The following ARSB variants were observed in gnomAD, a reference collection of about 807,000 sequenced individuals.
The protein encoded by ARSB is arylsulfatase B.
In ARSB, 41 loss-of-function variants were observed where a neutral mutation model predicts 50.9. The observed-to-expected ratio is 0.81, with a 90% CI of 0.63 to 1.04. ARSB has a LOEUF of 1.04. Ranked by LOEUF, ARSB falls within the 50% of genes least tolerant of loss-of-function variation. The probability of loss-of-function intolerance (pLI) is 0.00; values close to 1 mark genes in which losing one functional copy is unlikely to be tolerated. For synonymous variants in ARSB, 269 were observed against 284.8 expected (o/e 0.94, Z 0.56); for missense variants, 672 against 693.3 (o/e 0.97, Z 0.35).
chr5:78,889,846 C>T (rs943846918), intron 4 of ARSB, among the ~76,000 whole-genome samples: 1 of 152,190 alleles, frequency 6.6e-6, no homozygotes, highest in African/African-American at 2.4e-5. Context: ...GAAACATCAT[C>T]TCTACCCCAA....
chr5:78,956,552 C>CA (rs1464927144), intron 3 of ARSB, among the ~76,000 whole-genome samples: 1 of 151,990 alleles, frequency 6.6e-6, no homozygotes, highest in African/African-American at 2.4e-5. Context: ...AAAAATATAA[C>CA]AAAAGACACA....
chr5:78,933,957 G>A (rs1448973635), intron 4 of ARSB, among the ~76,000 whole-genome samples: 2 of 152,078 alleles, frequency 1.3e-5, no homozygotes, highest in Non-Finnish European at 2.9e-5. Flanking sequence ...AACATGAGGA[G>A]GACTCAACCC....
chr5:78,918,509 G>A (rs1035357738), intron 4 of ARSB, among the ~76,000 whole-genome samples: 1 of 151,830 alleles, frequency 6.6e-6, no homozygotes, highest in African/African-American at 2.4e-5. Context: ...ACTGACATTA[G>A]TCTCATAAAT....
intron 4 of ARSB, among the ~76,000 whole-genome samples, chr5:78,947,532 T>G (rs1189921016): frequency 6.6e-6 from 1 of 152,078 alleles, no homozygotes; most frequent in Non-Finnish European, 1.5e-5. Flanking sequence ...TATGAAAAGG[T>G]GCTCAACATG....
At chr5:78,953,694 A>G (rs1751581118) in intron 4 of ARSB, among the ~76,000 whole-genome samples, 1 of 152,212 alleles carries the variant, frequency 6.6e-6, no homozygotes, top group African/African-American at 2.4e-5. Context: ...GGAGTTTCCA[A>G]TCAAATTGTT....
At chr5:78,976,753 T>C (rs1752688559) in intron 1 of ARSB, among the ~76,000 whole-genome samples, 1 of 152,234 alleles carries the variant, frequency 6.6e-6, no homozygotes, top group Admixed American at 6.5e-5. Context: ...GAAATGTTCT[T>C]TAGTGTATAA....
At chr5:78,939,415 A>C (rs1750789882) in intron 4 of ARSB, among the ~76,000 whole-genome samples, 1 of 151,856 alleles carries the variant, frequency 6.6e-6, no homozygotes, top group Non-Finnish European at 1.5e-5. Context: ...ATATCTCCTA[A>C]TGCTATCCCT....
At chr5:78,841,760 A>G (rs889273065) in intron 5 of ARSB, among the ~76,000 whole-genome samples, 1 of 152,192 alleles carries the variant, frequency 6.6e-6, no homozygotes, top group Non-Finnish European at 1.5e-5. Flanking sequence ...TAAATTTAAT[A>G]CGATGAGATG....
intron 6 of ARSB, among the ~76,000 whole-genome samples, chr5:78,784,192 T>C (rs771379278): frequency 8.5e-5 from 13 of 152,218 alleles, no homozygotes; most frequent in Non-Finnish European, 1.9e-4. Flanking sequence ...TGTTTTATGC[T>C]TTAAAAATGT....
chr5:78,880,120 G>T (rs377257247), intron 5 of ARSB, among the ~76,000 whole-genome samples: 1 of 152,150 alleles, frequency 6.6e-6, no homozygotes, highest in Non-Finnish European at 1.5e-5. Flanking sequence ...GAGATTGGCC[G>T]CTAGGAGAAC....
At chr5:78,977,211 T>C (rs1027073361) in intron 1 of ARSB, among the ~76,000 whole-genome samples, 5 of 148,374 alleles carry the variant, frequency 3.4e-5, no homozygotes, top group Admixed American at 2.0e-4. Flanking sequence ...TGGAGTGCAG[T>C]GGCGCAATCT....
At chr5:78,826,717 C>T (rs1744446977) in intron 6 of ARSB, among the ~76,000 whole-genome samples, 1 of 152,182 alleles carries the variant, frequency 6.6e-6, no homozygotes, top group Non-Finnish European at 1.5e-5. Flanking sequence ...ACAAATAGCA[C>T]AGGTGTTACC....
chr5:78,817,428 C>A (rs1048268053), intron 6 of ARSB, among the ~76,000 whole-genome samples: 1 of 136,944 alleles, frequency 7.3e-6, no homozygotes. Flanking sequence ...ATGTGTAGAT[C>A]CTGCAGAATA....
Position 78,780,454 on chromosome 5 carries a change from A to C in ARSB, c.1545T>G (p.Pro515=), listed in dbSNP as rs755550345. 1.9e-6 allele frequency: 3 copies of C among 1,614,130 alleles called. No homozygotes were observed. In the East Asian group the frequency reaches 6.7e-5, roughly 36 times the overall value. ...YHKHSVPVYF[P]AQDPRCDPKA... ...TGGGATCACAGCGGGGGTCCTGTGCAGGGAAGTACACGGGGACTGAGTGTT... is the reference window on the plus strand; with the variant it reads ...TGGGATCACAGCGGGGGTCCTGTGCCGGGAAGTACACGGGGACTGAGTGTT... Residue 515 remains proline (P), a synonymous_variant, in exon 8 of 8, where the codon CCT becomes CCG. Transcript: ENST00000264914.
intron 6 of ARSB, among the ~76,000 whole-genome samples, chr5:78,795,663 G>A (rs1743152432): frequency 6.6e-6 from 1 of 152,198 alleles, no homozygotes; most frequent in Non-Finnish European, 1.5e-5. Flanking sequence ...CACGAAACAG[G>A]AGTGTTGGGA....
intron 4 of ARSB, among the ~76,000 whole-genome samples, chr5:78,938,545 A>T (rs1750740806): frequency 6.6e-6 from 1 of 152,240 alleles, no homozygotes; most frequent in African/African-American, 2.4e-5. Flanking sequence ...GCTTTGTCAG[A>T]AATTCATTTA....
intron 4 of ARSB, among the ~76,000 whole-genome samples, chr5:78,938,363 G>C (rs1324303760): frequency 2.0e-5 from 3 of 152,322 alleles, no homozygotes; most frequent in South Asian, 2.1e-4. Context: ...GAAATCTAAA[G>C]AGGTGGCATG....
intron 4 of ARSB, among the ~76,000 whole-genome samples, chr5:78,944,221 G>C (rs1014507803): frequency 3.9e-5 from 6 of 152,092 alleles, no homozygotes; most frequent in Non-Finnish European, 5.9e-5. Flanking sequence ...CCATGGGTTC[G>C]AACTTCCTCC....
Position 78,985,160 on chromosome 5 carries a change from A to C in ARSB, c.89T>G (p.Leu30Arg). The C allele has an allele frequency of 2.1e-6, 3 of 1,416,692 alleles. No individual in the cohort carries two copies. The highest frequency in any genetic ancestry group is 2.8e-6 in the Non-Finnish European group (3 of 1,082,628). The allele number at this position is 1,416,692 out of a possible 1,614,324, so 87.8% of individuals were successfully genotyped here. Residue 30 changes from leucine to arginine, a missense_variant, in exon 1 of 8, where the codon CTG becomes CGG. Leu to Arg is a moderately radical substitution (Grantham distance 102). Coordinates refer to ENST00000264914, the MANE Select transcript of ARSB (RefSeq NM_000046.5). ...LPVVLPLLLLLLLAPPGSGAG... is the reference protein window; with the variant it reads ...LPVVLPLLLLRLLAPPGSGAG... ...GCCCGAGCCCGGCGGCGCCAACAAC[A>C]GCAGCAGCAGCAGCGGGAGGACGAC...
Sources: gnomAD v4.1 joint callset for allele counts (sites outside exome capture counted in the v4.1 genomes callset) on GRCh38, gnomAD v4.1.1 for gene constraint, MANE v1.5 for transcripts, NCBI Gene and HGNC (gene_info 2026-07-23, HGNC 2026-07-21) for gene names.